Variants in HS3ST4 observed in about 807,000 individuals in gnomAD.
HS3ST4 encodes heparan sulfate-glucosamine 3-sulfotransferase 4.
A neutral mutation model predicts 29.2 loss-of-function variants in HS3ST4; 17 were observed. The observed-to-expected ratio is 0.58, with a 90% CI of 0.40 to 0.87. HS3ST4 has a LOEUF of 0.87. Ranked by LOEUF, HS3ST4 falls within the 40% of genes least tolerant of loss-of-function variation. HS3ST4 has a pLI of 0.00. For missense variants in HS3ST4, 627 were observed against 634.5 expected (o/e 0.99, Z 0.13); for synonymous variants, 314 against 285.7 (o/e 1.10, Z -1.00).
chr16:25,914,068 G>T (rs1422786115), intron 1 of HS3ST4, among the ~76,000 whole-genome samples: 1 of 150,382 alleles, frequency 6.6e-6, no homozygotes. Flanking sequence ...TGTGCACGGA[G>T]TGTGTGTGTG....
intron 1 of HS3ST4, among the ~76,000 whole-genome samples, chr16:25,812,833 C>T (rs1967055474): frequency 6.6e-6 from 1 of 152,080 alleles, no homozygotes; most frequent in South Asian, 2.1e-4. Flanking sequence ...TCTCGAGTAG[C>T]TGGGACTATA....
chr16:25,944,134 A>C (rs1427906406), intron 1 of HS3ST4, among the ~76,000 whole-genome samples: 2 of 152,060 alleles, frequency 1.3e-5, no homozygotes, highest in East Asian at 3.9e-4. Context: ...TTAGTGCGGC[A>C]ATTTCCTTAC....
chr16:25,928,881 G>C (rs1354166569), intron 1 of HS3ST4, among the ~76,000 whole-genome samples: 1 of 152,156 alleles, frequency 6.6e-6, no homozygotes, highest in Non-Finnish European at 1.5e-5. Context: ...GTGCAAAGCT[G>C]CTGCTGTGGT....
intron 1 of HS3ST4, among the ~76,000 whole-genome samples, chr16:25,726,349 A>G (rs940850003): frequency 2.0e-5 from 3 of 152,012 alleles, no homozygotes; most frequent in African/African-American, 7.3e-5. Flanking sequence ...TTGTATTTCT[A>G]ATGTATTTAC....
intron 1 of HS3ST4, among the ~76,000 whole-genome samples, chr16:25,908,781 A>G (rs1421106112): frequency 6.6e-6 from 1 of 152,244 alleles, no homozygotes; most frequent in Non-Finnish European, 1.5e-5. Context: ...TGAGGTAGCA[A>G]AAGTTGTAAG....
chr16:25,733,406 A>T (rs1259559669), intron 1 of HS3ST4, among the ~76,000 whole-genome samples: 1 of 152,138 alleles, frequency 6.6e-6, no homozygotes, highest in Non-Finnish European at 1.5e-5. Context: ...GTTCCTCTGT[A>T]TTCAGGTCTG....
At chr16:25,973,139 G>A (rs970482957) in intron 1 of HS3ST4, among the ~76,000 whole-genome samples, 13 of 152,260 alleles carry the variant, frequency 8.5e-5, no homozygotes, top group Non-Finnish European at 1.3e-4. Flanking sequence ...TTGTGCTGTC[G>A]GGGGAAGGCA....
chr16:25,918,764 C>T (rs1316047893), intron 1 of HS3ST4, among the ~76,000 whole-genome samples: 2 of 152,180 alleles, frequency 1.3e-5, no homozygotes, highest in Non-Finnish European at 2.9e-5. Context: ...GAGATTGTGC[C>T]ACTGCACTCC....
chr16:26,130,981 C>G (rs1443154601), intron 1 of HS3ST4, among the ~76,000 whole-genome samples: 2 of 152,230 alleles, frequency 1.3e-5, no homozygotes, highest in Non-Finnish European at 2.9e-5. Flanking sequence ...TGCCCTGTTC[C>G]CAGTAGTGTC....
intron 1 of HS3ST4, among the ~76,000 whole-genome samples, chr16:26,017,164 A>G (rs1322269255): frequency 6.6e-6 from 1 of 152,256 alleles, no homozygotes; most frequent in Non-Finnish European, 1.5e-5. Context: ...CTTCTTTGTA[A>G]CACAGAAATT....
intron 1 of HS3ST4, among the ~76,000 whole-genome samples, chr16:25,906,676 G>C (rs536693195): frequency 2.6e-5 from 4 of 152,298 alleles, no homozygotes; most frequent in Non-Finnish European, 5.9e-5. Context: ...AGGAAAATAG[G>C]ACAGACAGAA....
rs968949651 is a variant in HS3ST4 at position 25,776,690 on chromosome 16, T to G, written c.734+83539T>G. Among the ~76,000 whole-genome samples, 124 of 152,210 alleles carry G rather than the reference T, an allele frequency of 8.1e-4. 1 individual carries two copies. Among genetic ancestry groups the G allele is most frequent in the Non-Finnish European group, 8.8e-5 (6 of 68,034 alleles). On this transcript the variant is annotated intron_variant, in intron 1 of 1. Coordinates refer to ENST00000331351, the MANE Select transcript of HS3ST4 (RefSeq NM_006040.3). ...GAGAAAAAATGATCAGATACCGTGG[T>G]CAGTGTATTCTCAGATACACACACT...
At chr16:25,902,786 AC>A (rs1420070875) in intron 1 of HS3ST4, among the ~76,000 whole-genome samples, 3 of 148,414 alleles carry the variant, frequency 2.0e-5, no homozygotes, top group Non-Finnish European at 4.5e-5. Flanking sequence ...AACAAAAAAA[AC>A]AGAACAAAAA....
intron 1 of HS3ST4, among the ~76,000 whole-genome samples, chr16:25,986,231 A>G (rs2141725426): frequency 6.6e-6 from 1 of 152,310 alleles, no homozygotes; most frequent in Admixed American, 6.5e-5. Flanking sequence ...CTAGAATGTG[A>G]GTTCCAGGAG....
At chr16:26,033,993 C>A (rs1969558740) in intron 1 of HS3ST4, among the ~76,000 whole-genome samples, 1 of 152,188 alleles carries the variant, frequency 6.6e-6, no homozygotes, top group Non-Finnish European at 1.5e-5. Context: ...TTCTCCCAGT[C>A]CACGCCTCCA....
chr16:26,056,088 T>A (rs2141768722), intron 1 of HS3ST4, among the ~76,000 whole-genome samples: 1 of 150,758 alleles, frequency 6.6e-6, no homozygotes, highest in Non-Finnish European at 1.5e-5. Flanking sequence ...GAAGAATGCA[T>A]TAAGATTCAT....
At chr16:25,882,077 C>T (rs1002489237) in intron 1 of HS3ST4, among the ~76,000 whole-genome samples, 6 of 152,100 alleles carry the variant, frequency 3.9e-5, no homozygotes, top group African/African-American at 1.4e-4. Context: ...AGTTACCCTC[C>T]GTCCCTCTCT....
At chr16:26,115,402 A>G (rs1460927844) in intron 1 of HS3ST4, among the ~76,000 whole-genome samples, 2 of 152,094 alleles carry the variant, frequency 1.3e-5, no homozygotes, top group African/African-American at 4.8e-5. Flanking sequence ...TTTAACTCCA[A>G]CGCAGGGTTC....
At chr16:25,800,064 GCCTT>G (rs375409683) in intron 1 of HS3ST4, among the ~76,000 whole-genome samples, 21,665 of 147,588 alleles carry the variant, frequency 0.15, 2,109 homozygotes, top group African/African-American at 0.28. Context: ...TTGCCTTCCT[GCCTT>G]CCTTCCTTCC....
Sources: allele counts gnomAD v4.1 joint callset (sites outside exome capture counted in the v4.1 genomes callset), GRCh38; gene constraint gnomAD v4.1.1; transcripts MANE v1.5; gene names NCBI Gene and HGNC (gene_info 2026-07-23, HGNC 2026-07-21).